Variants in CELF2 observed in about 807,000 individuals in gnomAD.
CELF2 encodes CUGBP Elav-like family member 2.
Under a neutral mutation model 62.6 loss-of-function variants are expected in CELF2, and 8 were observed. That is an observed-to-expected ratio of 0.13 (90% confidence interval 0.07 to 0.23). CELF2 has a LOEUF of 0.23. Ranked by LOEUF, CELF2 falls within the 10% of genes least tolerant of loss-of-function variation. The pLI is 1.00. For missense variants in CELF2, 333 were observed against 671.0 expected (o/e 0.50, Z 5.56); for synonymous variants, 258 against 250.0 (o/e 1.03, Z -0.30).
intron 1 of CELF2, among the ~76,000 whole-genome samples, chr10:10,879,488 T>G (rs11256889): frequency 0.13 from 20,300 of 152,206 alleles, 1,651 homozygotes; most frequent in Non-Finnish European, 0.19. Context: ...ATACCACAGA[T>G]TCTCAGAATT....
At chr10:11,195,063 G>T (rs1427115217) in intron 2 of CELF2, among the ~76,000 whole-genome samples, 2 of 152,186 alleles carry the variant, frequency 1.3e-5, no homozygotes, top group Non-Finnish European at 2.9e-5. Context: ...GGTTGAGAAG[G>T]AGCTTCTGAA....
chr10:10,700,472 T>C, the CELF2 span, among the ~76,000 whole-genome samples: 5 of 152,200 alleles, frequency 3.3e-5, no homozygotes, highest in African/African-American at 1.2e-4. Flanking sequence ...TGGGCTGACC[T>C]GTCTCTTCCT....
intron 1 of CELF2, among the ~76,000 whole-genome samples, chr10:10,908,676 C>A (rs1382676157): frequency 6.6e-6 from 1 of 152,170 alleles, no homozygotes; most frequent in Non-Finnish European, 1.5e-5. Flanking sequence ...CAAAAAGATT[C>A]TTTCAAATCA....
chr10:10,870,556 A>G (rs1030532330), intron 1 of CELF2, among the ~76,000 whole-genome samples: 2 of 152,190 alleles, frequency 1.3e-5, no homozygotes, highest in Non-Finnish European at 1.5e-5. Flanking sequence ...GCCCTCTGAG[A>G]CCCAGAGTTG....
intron 1 of CELF2, among the ~76,000 whole-genome samples, chr10:11,115,611 G>T (rs896282757): frequency 5.9e-5 from 9 of 152,186 alleles, no homozygotes; most frequent in African/African-American, 2.2e-4. Context: ...AGAAGCGAAT[G>T]ATATGGAATT....
chr10:10,785,209 C>A, the CELF2 span, among the ~76,000 whole-genome samples: 3 of 152,264 alleles, frequency 2.0e-5, no homozygotes, highest in Non-Finnish European at 4.4e-5. Context: ...CGAACCCACC[C>A]TTTACATCAG....
At chr10:10,874,011 A>G (rs1349538873) in intron 1 of CELF2, among the ~76,000 whole-genome samples, 1 of 152,194 alleles carries the variant, frequency 6.6e-6, no homozygotes, top group Admixed American at 6.5e-5. Flanking sequence ...TGCTGAAATT[A>G]TATATTAAAA....
At chr10:10,748,545 G>A in the CELF2 span, among the ~76,000 whole-genome samples, 246 of 151,928 alleles carry the variant, frequency 1.6e-3, 1 homozygote, top group African/African-American at 3.4e-3. Context: ...TCAGGAGATC[G>A]AGACCATCCT....
At chr10:10,705,366 TAAAA>T in the CELF2 span, among the ~76,000 whole-genome samples, 2,628 of 134,030 alleles carry the variant, frequency 0.02, 40 homozygotes, top group African/African-American at 0.046. Context: ...CCTTCCCTAT[TAAAA>T]AAAAAAAAAA....
chr10:11,045,498 T>A (rs988286901), intron 1 of CELF2, among the ~76,000 whole-genome samples: 1 of 152,190 alleles, frequency 6.6e-6, no homozygotes, highest in African/African-American at 2.4e-5. Context: ...AGCTACCCTC[T>A]AAGTTTGTGT....
At chr10:11,053,701 G>A (rs905172985) in intron 1 of CELF2, among the ~76,000 whole-genome samples, 22 of 143,480 alleles carry the variant, frequency 1.5e-4, no homozygotes, top group Admixed American at 3.7e-4. Flanking sequence ...TGCAAGCTCC[G>A]CCTTCCGGGT....
the CELF2 span, among the ~76,000 whole-genome samples, chr10:10,774,883 A>AT: frequency 2.6e-3 from 376 of 145,444 alleles, no homozygotes; most frequent in East Asian, 7.3e-3. Context: ...TTATTTATTT[A>AT]TTTTTTTTTT....
intron 2 of CELF2, among the ~76,000 whole-genome samples, chr10:11,183,421 A>G (rs969205623): frequency 6.6e-6 from 1 of 152,216 alleles, no homozygotes; most frequent in East Asian, 1.9e-4. Flanking sequence ...ATGTACAAGT[A>G]TTTGTAAAGA....
chr10:11,320,401 C>T (rs750753819), intron 10 of CELF2, among the ~76,000 whole-genome samples: 14 of 152,354 alleles, frequency 9.2e-5, no homozygotes, highest in Non-Finnish European at 1.8e-4. Context: ...GCCGAAACCC[C>T]AGTTGCCACT....
At position 11,306,726 on chromosome 10, in the gene CELF2, C is replaced by T. The variant is rs2094239624; in HGVS notation, c.977-7413C>T. ...TCATCTAGTTAATTTTTCTTAGTCT[C>T]ATGCTTGATTCTTCTCCCTCCTTTT... On this transcript the variant is annotated intron_variant, in intron 9 of 12. Transcript: ENST00000633077. This position sits in a 1 kb window ranked among gnomAD's most constrained non-coding sequence, Gnocchi z 4.4. Among the ~76,000 whole-genome samples, 2 of 152,128 alleles carry T rather than the reference C, an allele frequency of 1.3e-5. No homozygotes were observed. Among genetic ancestry groups the T allele is most frequent in the African/African-American group, 2.4e-5 (1 of 41,416 alleles).
chr10:10,807,271 C>T (rs187753055), intron 1 of CELF2, among the ~76,000 whole-genome samples: 79 of 152,330 alleles, frequency 5.2e-4, no homozygotes, highest in African/African-American at 1.8e-3. Flanking sequence ...CTTGCCAGGA[C>T]ATGACCATTC....
At chr10:11,129,533 T>C (rs894358483) in intron 1 of CELF2, among the ~76,000 whole-genome samples, 3 of 152,194 alleles carry the variant, frequency 2.0e-5, no homozygotes, top group Non-Finnish European at 4.4e-5. Flanking sequence ...TGGTAGGCTA[T>C]TATTATTGCC....
At chr10:10,586,656 G>A in the CELF2 span, among the ~76,000 whole-genome samples, 5 of 152,086 alleles carry the variant, frequency 3.3e-5, no homozygotes, top group Non-Finnish European at 7.4e-5. Context: ...GGGTGAACCT[G>A]GGCACACCAC....
intron 1 of CELF2, among the ~76,000 whole-genome samples, chr10:11,151,567 A>G (rs2063338539): frequency 2.0e-5 from 3 of 152,276 alleles, no homozygotes; most frequent in Admixed American, 6.5e-5. Flanking sequence ...TCAGTACCGT[A>G]TACACAGGGG....
Sources: gnomAD v4.1 joint callset for allele counts (sites outside exome capture counted in the v4.1 genomes callset) on GRCh38, gnomAD v4.1.1 for gene constraint, Gnocchi (gnomAD v3.1) non-coding constraint, MANE v1.5 for transcripts, NCBI Gene and HGNC (gene_info 2026-07-23, HGNC 2026-07-21) for gene names.